The following TNFRSF1B variants were observed in gnomAD, a reference collection of about 807,000 sequenced individuals.
TNFRSF1B encodes tumor necrosis factor receptor superfamily member 1B.
In TNFRSF1B, 19 loss-of-function variants were observed where a neutral mutation model predicts 44.6. That is an observed-to-expected ratio of 0.43 (90% CI 0.30 to 0.62). The LOEUF is 0.62. TNFRSF1B is among the 20% of genes least tolerant of loss of function. The pLI, the probability that TNFRSF1B is intolerant of heterozygous loss-of-function variation, is 0.16. For missense variants in TNFRSF1B, 541 were observed against 619.9 expected (o/e 0.87, Z 1.35); for synonymous variants, 252 against 261.1 (o/e 0.97, Z 0.34).
At chr1:12,192,719 G>T in intron 5 of TNFRSF1B, 144 bp from the exon 6 acceptor site, 1 of 861,960 alleles carries the variant, frequency 1.2e-6, no homozygotes, top group Non-Finnish European at 1.8e-6. Flanking sequence ...ATGGGGAGGT[G>T]GGGGAGGGCT....
At chr1:12,191,592 C>A in intron 3 of TNFRSF1B, 182 bp from the exon 4 acceptor site, 2 of 704,904 alleles carry the variant, frequency 2.8e-6, no homozygotes, top group South Asian at 3.5e-5. Context: ...AGCGGGACTG[C>A]GGAGAGTAGC....
At position 12,191,032 on chromosome 1, in the gene TNFRSF1B, A is replaced by G; in HGVS notation, c.254A>G (p.Gln85Arg). The change falls in exon 3 of 10, where the codon CAG (glutamine) becomes CGG (arginine). Residue 85 changes from glutamine to arginine, a missense_variant. Physicochemically the swap from Gln to Arg is conservative, Grantham distance 43. Coordinates refer to ENST00000376259, the MANE Select transcript of TNFRSF1B (RefSeq NM_001066.3). ...CDSCEDSTYT[Q>R]LWNWVPECLS... ...TCCTGTGAGGACAGCACATACACCCAGCTCTGGAACTGGGTTCCCGAGTGC... is the reference window on the plus strand; with the variant it reads ...TCCTGTGAGGACAGCACATACACCCGGCTCTGGAACTGGGTTCCCGAGTGC... 1 of 1,614,210 alleles carries G rather than the reference A, an allele frequency of 6.2e-7. No homozygotes were observed. Among genetic ancestry groups the G allele is most frequent in the Non-Finnish European group, 8.5e-7 (1 of 1,180,022 alleles).
rs1638528669 is a variant in TNFRSF1B, at chr1:12,171,753, G to T, written c.78+4584G>T. Among the ~76,000 whole-genome samples, 1 of 152,130 alleles carries T rather than the reference G, an allele frequency of 6.6e-6. No individual in the cohort carries two copies. The highest frequency in any genetic ancestry group is 2.1e-4 in the South Asian group (1 of 4,828). On this transcript the variant is annotated intron_variant, in intron 1 of 9. Coordinates refer to ENST00000376259, the MANE Select transcript of TNFRSF1B (RefSeq NM_001066.3). This position sits in a 1 kb window ranked among gnomAD's most constrained non-coding sequence, Gnocchi z 4.5. ...CCTCTACTTATTGGATGGCAGTAGCGCCACCCTCCCTCGTGACAAAAATAT... is the reference window on the plus strand; with the variant it reads ...CCTCTACTTATTGGATGGCAGTAGCTCCACCCTCCCTCGTGACAAAAATAT...
At chr1:12,189,314 T>C (rs1639059024) in intron 2 of TNFRSF1B, among the ~76,000 whole-genome samples, 1 of 152,236 alleles carries the variant, frequency 6.6e-6, no homozygotes, top group African/African-American at 2.4e-5. Flanking sequence ...ATGGAAGCTC[T>C]TTCCTTGCTG....
At chr1:12,181,126 A>G (rs528550642) in intron 1 of TNFRSF1B, among the ~76,000 whole-genome samples, 143 of 152,236 alleles carry the variant, frequency 9.4e-4, no homozygotes, top group African/African-American at 3.2e-3. Flanking sequence ...CAGCCCCAGG[A>G]GTCACAGGTC....
intron 9 of TNFRSF1B, among the ~76,000 whole-genome samples, chr1:12,203,277 C>A (rs1205532381): frequency 6.6e-6 from 1 of 152,214 alleles, no homozygotes; most frequent in Non-Finnish European, 1.5e-5. Flanking sequence ...CTTGCCAGGG[C>A]TGGTGAGAGA....
At chr1:12,204,768 GTAAT>G (rs1173737359) in intron 9 of TNFRSF1B, among the ~76,000 whole-genome samples, 1 of 151,446 alleles carries the variant, frequency 6.6e-6, no homozygotes, top group African/African-American at 2.4e-5. Flanking sequence ...TTAAATGTTG[GTAAT>G]CAATTCACTT....
intron 3 of TNFRSF1B, 181 bp from the exon 4 acceptor site, chr1:12,191,593 G>A: frequency 1.4e-6 from 1 of 705,930 alleles, no homozygotes; most frequent in Non-Finnish European, 2.4e-6. Context: ...GCGGGACTGC[G>A]GAGAGTAGCA....
chr1:12,174,137 C>T (rs1162390740), intron 1 of TNFRSF1B, among the ~76,000 whole-genome samples: 1 of 73,544 alleles, frequency 1.4e-5, no homozygotes, highest in African/African-American at 7.0e-5. Context: ...TCTTCTTCTT[C>T]TTCTTCTTCT....
Position 12,191,830 on chromosome 1 carries a change from C to T in TNFRSF1B, c.364C>T (p.Pro122Ser). Reference sequence around the variant, plus strand: ...ACAGAACCGCATCTGCACCTGCAGGCCCGGCTGGTACTGCGCGCTGAGCAA... The same window carrying T: ...ACAGAACCGCATCTGCACCTGCAGGTCCGGCTGGTACTGCGCGCTGAGCAA... ...REQNRICTCR[P>S]GWYCALSKQE... The change falls in exon 4 of 10, where the codon CCC becomes TCC. Residue 122 changes from proline to serine, a missense_variant. Physicochemically the swap from Pro to Ser is moderately conservative, Grantham distance 74. Coordinates refer to ENST00000376259, the MANE Select transcript of TNFRSF1B (RefSeq NM_001066.3). 3 of 1,613,212 alleles carry T rather than the reference C, an allele frequency of 1.9e-6. No individual in the cohort carries two copies. The highest frequency in any genetic ancestry group is 2.5e-6 in the Non-Finnish European group (3 of 1,179,784).
At chr1:12,175,878 C>T (rs1006163109) in intron 1 of TNFRSF1B, among the ~76,000 whole-genome samples, 53 of 152,188 alleles carry the variant, frequency 3.5e-4, no homozygotes, top group African/African-American at 1.1e-3. Flanking sequence ...TGAGTGGCTA[C>T]AGGGAGGAGA....
At chr1:12,204,889 G>A (rs1458194551) in intron 9 of TNFRSF1B, among the ~76,000 whole-genome samples, 1 of 152,048 alleles carries the variant, frequency 6.6e-6, no homozygotes, top group African/African-American at 2.4e-5. Context: ...AAAGTCCCTG[G>A]TCTGGCCAGG....
chr1:12,206,199 G>A (rs188721323), intron 9 of TNFRSF1B, among the ~76,000 whole-genome samples: 1 of 152,126 alleles, frequency 6.6e-6, no homozygotes, highest in East Asian at 1.9e-4. Context: ...ACCAACCCAG[G>A]CAACCTGGCG....
At chr1:12,191,593 G>T in intron 3 of TNFRSF1B, 181 bp from the exon 4 acceptor site, 1 of 705,928 alleles carries the variant, frequency 1.4e-6, no homozygotes, top group Non-Finnish European at 2.4e-6. Flanking sequence ...GCGGGACTGC[G>T]GAGAGTAGCA....
At chr1:12,184,762 G>A (rs1033221795) in intron 1 of TNFRSF1B, among the ~76,000 whole-genome samples, 10 of 152,326 alleles carry the variant, frequency 6.6e-5, no homozygotes, top group East Asian at 1.9e-4. Flanking sequence ...TCTTGCTGCC[G>A]CCTGGAGCCG....
At position 12,186,269 on chromosome 1, in the gene TNFRSF1B, G is replaced by A. The variant is rs1306295518; in HGVS notation, c.79-2527G>A. 6.6e-6 allele frequency among the ~76,000 whole-genome samples: 1 copy of A among 152,198 alleles called. No individual in the cohort carries two copies. The highest frequency in any genetic ancestry group is 1.5e-5 in the Non-Finnish European group (1 of 68,038). ...CTGCTTGTCACTCGCTATAGGTGCA[G>A]CCAAACGCTCAGCAGGCCCAAACTC... On this transcript the variant is annotated intron_variant, in intron 1 of 9. Coordinates refer to ENST00000376259, the MANE Select transcript of TNFRSF1B (RefSeq NM_001066.3). This position sits in a 1 kb window ranked among gnomAD's most constrained non-coding sequence, Gnocchi z 4.8.
At position 12,206,858 on chromosome 1, in the gene TNFRSF1B, A is replaced by G. The variant is rs777085409; in HGVS notation, c.1224A>G (p.Thr408=). Residue 408 remains threonine (T), a synonymous_variant, in exon 10 of 10, where the codon ACA becomes ACG. Coordinates refer to ENST00000376259, the MANE Select transcript of TNFRSF1B (RefSeq NM_001066.3). ...AAGCCAGCTCCACAATGGGAGACAC[A>G]GATTCCAGCCCCTCGGAGTCCCCGA... ...SSQASSTMGD[T]DSSPSESPKD... 2 of 1,614,240 alleles carry G rather than the reference A, an allele frequency of 1.2e-6. No individual in the cohort carries two copies. The highest frequency in any genetic ancestry group is 8.5e-7 in the Non-Finnish European group (1 of 1,180,038).
rs201385323 is a variant in TNFRSF1B, at chr1:12,207,059, G to A, written c.*39G>A. 5.9e-6 allele frequency: 9 copies of A among 1,526,888 alleles called. No homozygotes were observed. The African/African-American group carries it at 9.6e-5, about 16-fold the overall frequency. 94.6% of individuals were successfully genotyped at this position (1,526,888 alleles called of 1,614,324 possible). On this transcript the variant is annotated 3_prime_UTR_variant, in exon 10 of 10. Coordinates refer to ENST00000376259, the MANE Select transcript of TNFRSF1B (RefSeq NM_001066.3). ...GGCTGTGTCGTAGCCAAGGTGGGCT[G>A]AGCCCTGGCAGGATGACCCTGCGAA...
At position 12,191,066 on chromosome 1, in the gene TNFRSF1B, T is replaced by C. The variant is rs781035505; in HGVS notation, c.288T>C (p.Cys96=). 4.3e-6 allele frequency: 7 copies of C among 1,614,186 alleles called. No homozygotes were observed. Among genetic ancestry groups the C allele is most frequent in the Non-Finnish European group, 5.9e-6 (7 of 1,179,994 alleles). The part of the protein sequence containing the change: ...LWNWVPECLS[C]GSRCSSDQVE... ...ACTGGGTTCCCGAGTGCTTGAGCTG[T>C]GGCTCCCGCTGTAGCTCTGGTGAGT... The change falls in exon 3 of 10, where the codon TGT becomes TGC. Residue 96 remains cysteine (C), a synonymous_variant. Coordinates refer to ENST00000376259, the MANE Select transcript of TNFRSF1B (RefSeq NM_001066.3).
Sources: allele counts gnomAD v4.1 joint callset (sites outside exome capture counted in the v4.1 genomes callset), GRCh38; gene constraint gnomAD v4.1.1; non-coding constraint Gnocchi (gnomAD v3.1); transcripts MANE v1.5; gene names NCBI Gene and HGNC (gene_info 2026-07-23, HGNC 2026-07-21).